The following CTNNA3 variants were observed in gnomAD, a reference collection of about 807,000 sequenced individuals.
CTNNA3 encodes catenin alpha 3, also known as catenin alpha-3.
In CTNNA3, 76 loss-of-function variants were observed where a neutral mutation model predicts 95.7. The ratio of observed to expected loss-of-function variants is 0.79; its 90% CI spans 0.66 to 0.96. CTNNA3 has a LOEUF of 0.96. CTNNA3 is among the 40% of genes least tolerant of loss of function. The pLI is 0.00. For missense variants in CTNNA3, 1,191 were observed against 1,089.8 expected (o/e 1.09, Z -1.31); for synonymous variants, 431 against 374.4 (o/e 1.15, Z -1.74).
intron 13 of CTNNA3, 37 bp from the exon 14 acceptor site, chr10:66,103,286 TA>T (rs748965102): frequency 6.6e-7 from 1 of 1,522,800 alleles, no homozygotes; most frequent in East Asian, 2.3e-5. Context: ...AGTGGGAATG[TA>T]AAAGCATTTC....
chr10:66,968,462 T>C (rs17297369), intron 7 of CTNNA3, among the ~76,000 whole-genome samples: 34,796 of 151,168 alleles, frequency 0.23, 4,562 homozygotes, highest in South Asian at 0.31. Context: ...AAATACAATT[T>C]TAGAACCACA....
chr10:67,278,465 G>A (rs969706319), intron 5 of CTNNA3, among the ~76,000 whole-genome samples: 3 of 152,166 alleles, frequency 2.0e-5, no homozygotes, highest in African/African-American at 7.2e-5. Flanking sequence ...GGCCATAGGT[G>A]AATTTAAACA....
At chr10:67,519,358 C>A (rs1293554299) in intron 5 of CTNNA3, among the ~76,000 whole-genome samples, 5 of 152,178 alleles carry the variant, frequency 3.3e-5, no homozygotes, top group African/African-American at 1.2e-4. Context: ...TTAACACTGG[C>A]ATTTTCTGTT....
At chr10:66,559,636 C>A (rs1842492087) in intron 10 of CTNNA3, among the ~76,000 whole-genome samples, 1 of 151,570 alleles carries the variant, frequency 6.6e-6, no homozygotes, top group Non-Finnish European at 1.5e-5. Context: ...CCACCATGCA[C>A]CCCCCGCTCG....
At position 67,758,267 on chromosome 10, in the gene CTNNA3, T is replaced by A. The variant is rs569143915; in HGVS notation, c.-2+5167A>T. Among the ~76,000 whole-genome samples, 13 of 150,336 alleles carry A rather than the reference T, an allele frequency of 8.6e-5. No individual in the cohort carries two copies. In the East Asian group the frequency reaches 2.6e-3, roughly 29 times the overall value. ...CACATAAAACAATTCCTATAATAAA[T>A]CTCCTCATGTGTATATGTATATACA... On this transcript the variant is annotated intron_variant, in intron 1 of 17. Coordinates refer to the CTNNA3 transcript ENST00000684154.
At chr10:65,997,937 C>T (rs73306101) in intron 15 of CTNNA3, among the ~76,000 whole-genome samples, 22,189 of 152,066 alleles carry the variant, frequency 0.15, 3,951 homozygotes, top group African/African-American at 0.42. Flanking sequence ...ATCGCTCGAA[C>T]TCAGGAGGCA....
chr10:66,934,569 A>G (rs997771827), intron 7 of CTNNA3, among the ~76,000 whole-genome samples: 19 of 152,250 alleles, frequency 1.2e-4, no homozygotes, highest in South Asian at 6.2e-4. Flanking sequence ...TTTGCAATTG[A>G]AAAAACAGGA....
At chr10:66,378,901 T>C (rs2092814721) in intron 12 of CTNNA3, among the ~76,000 whole-genome samples, 1 of 152,238 alleles carries the variant, frequency 6.6e-6, no homozygotes, top group Non-Finnish European at 1.5e-5. Context: ...ACATTCTAAG[T>C]GGTTTCTGAC....
chr10:66,398,958 CT>C (rs2093000134), intron 11 of CTNNA3, among the ~76,000 whole-genome samples: 1 of 151,960 alleles, frequency 6.6e-6, no homozygotes, highest in African/African-American at 2.4e-5. Context: ...GTCTGATTTC[CT>C]TTTACTTTAG....
chr10:66,771,750 G>T (rs1840094876), intron 8 of CTNNA3, among the ~76,000 whole-genome samples: 1 of 152,128 alleles, frequency 6.6e-6, no homozygotes, highest in South Asian at 2.1e-4. Flanking sequence ...AATATGCTTG[G>T]TAGAGAGCTT....
chr10:65,958,206 A>T (rs1564540031), intron 17 of CTNNA3, among the ~76,000 whole-genome samples: 4 of 152,176 alleles, frequency 2.6e-5, no homozygotes, highest in Admixed American at 1.3e-4. Context: ...TGTGCCATGT[A>T]GTTCTCGTGC....
intron 11 of CTNNA3, among the ~76,000 whole-genome samples, chr10:66,402,330 G>A (rs923713649): frequency 6.6e-6 from 1 of 152,084 alleles, no homozygotes. Context: ...ATATTTCCCT[G>A]CTGACTGTGA....
chr10:67,711,615 G>A (rs1253433460), intron 1 of CTNNA3, among the ~76,000 whole-genome samples: 2 of 150,510 alleles, frequency 1.3e-5, no homozygotes, highest in Admixed American at 6.6e-5. Flanking sequence ...TAAGTTTTAG[G>A]GTACATGTGC....
intron 5 of CTNNA3, among the ~76,000 whole-genome samples, chr10:67,227,781 G>A (rs984545557): frequency 6.6e-6 from 1 of 152,078 alleles, no homozygotes; most frequent in Non-Finnish European, 1.5e-5. Flanking sequence ...CTCCAAGACA[G>A]ACTATATGAT....
At chr10:66,501,253 T>C (rs186810257) in intron 11 of CTNNA3, among the ~76,000 whole-genome samples, 1 of 152,182 alleles carries the variant, frequency 6.6e-6, no homozygotes, top group Admixed American at 6.5e-5. Context: ...GATTGTCATG[T>C]AAGTCTTTAT....
chr10:66,829,452 A>C (rs917562259), intron 7 of CTNNA3, among the ~76,000 whole-genome samples: 1 of 151,940 alleles, frequency 6.6e-6, no homozygotes, highest in African/African-American at 2.4e-5. Context: ...CTCTTTACTA[A>C]AAGTACAAAA....
chr10:66,335,912 C>T (rs983493513), intron 12 of CTNNA3, among the ~76,000 whole-genome samples: 2 of 152,128 alleles, frequency 1.3e-5, no homozygotes, highest in South Asian at 2.1e-4. Context: ...TGTTTACCTA[C>T]TCAAGCCTGG....
At chr10:67,637,128 C>T (rs907822785) in intron 2 of CTNNA3, among the ~76,000 whole-genome samples, 1 of 152,038 alleles carries the variant, frequency 6.6e-6, no homozygotes, top group Non-Finnish European at 1.5e-5. Flanking sequence ...AAAGATTAAA[C>T]GAATGGCTAA....
chr10:66,289,196 T>A (rs2091638716), intron 12 of CTNNA3, among the ~76,000 whole-genome samples: 1 of 151,704 alleles, frequency 6.6e-6, no homozygotes, highest in Non-Finnish European at 1.5e-5. Flanking sequence ...AGATTATGGA[T>A]TCAATCTCAT....
Sources: gnomAD v4.1 joint callset for allele counts (sites outside exome capture counted in the v4.1 genomes callset) on GRCh38, gnomAD v4.1.1 for gene constraint, MANE v1.5 for transcripts, NCBI Gene and HGNC (gene_info 2026-07-23, HGNC 2026-07-21) for gene names.